WNT7B: variants seen among roughly 807,000 people sequenced by gnomAD.
The protein encoded by WNT7B is Wnt family member 7B, also known as protein Wnt-7b.
In WNT7B, 19 loss-of-function variants were observed where a neutral mutation model predicts 38.2. The ratio of observed to expected loss-of-function variants is 0.50; its 90% CI spans 0.35 to 0.73. The LOEUF (loss-of-function observed/expected upper bound fraction) is 0.73. WNT7B is among the 30% of genes least tolerant of loss of function. WNT7B has a pLI of 0.01. For missense variants in WNT7B, 423 were observed against 507.9 expected, an observed-to-expected ratio of 0.83 and a Z score of 1.61; for synonymous variants, 243 against 209.3, an observed-to-expected ratio of 1.16 and a Z score of -1.39.
chr22:45,969,962 C>G (rs1932396424), intron 1 of WNT7B, among the ~76,000 whole-genome samples: 1 of 152,248 alleles, frequency 6.6e-6, no homozygotes, highest in South Asian at 2.1e-4. Context: ...TTGCTGCTGG[C>G]TGCCTCCCCC....
At chr22:45,929,565 C>CAT in intron 3 of WNT7B, among the ~76,000 whole-genome samples, 3 of 147,688 alleles carry the variant, frequency 2.0e-5, no homozygotes, top group African/African-American at 7.5e-5. Context: ...TCCACCCATC[C>CAT]CCTCATTCAT....
rs745440535 is a variant in WNT7B at position 45,931,082 on chromosome 22, C to A, written c.570+16G>T. ...GGTCCCAGCTACGGCCCCCACCAGC[C>A]GCACCCGCACCCTACCTTCCTGCCG... On this transcript the variant is annotated intron_variant, in intron 3 of 3. Transcript: ENST00000339464. 1 of 1,552,308 alleles carries A rather than the reference C, an allele frequency of 6.4e-7. No individual in the cohort carries two copies. Among genetic ancestry groups the A allele is most frequent in the East Asian group, 2.3e-5 (1 of 44,098 alleles).
At chr22:45,954,604 C>G (rs1932018029) in intron 1 of WNT7B, 2 of 985,344 alleles carry the variant, frequency 2.0e-6, no homozygotes. Context: ...CCAGCAGCCC[C>G]CTGCGTGCCC....
intron 1 of WNT7B, among the ~76,000 whole-genome samples, chr22:45,957,337 T>C (rs1477292805): frequency 1.3e-5 from 2 of 151,808 alleles, no homozygotes; most frequent in African/African-American, 2.4e-5. Context: ...TTTATTGAAA[T>C]GGGGCAATAA....
rs147522519 is a variant in WNT7B at position 45,929,283 on chromosome 22, T to G, written c.570+1815A>C. 5.9e-3 allele frequency among the ~76,000 whole-genome samples: 902 copies of G among 152,314 alleles called. 10 individuals are homozygous for G. Among genetic ancestry groups the G allele is most frequent in the African/African-American group, 0.021 (864 of 41,558 alleles). ...TATGGCATGGACTGTGATCTGCCTG[T>G]ACCTGGAGACTAGTGCTCACATGCT... is the stretch of plus-strand genomic sequence containing the variant. On this transcript the variant is annotated intron_variant, in intron 3 of 3. Coordinates refer to ENST00000339464, the MANE Select transcript of WNT7B (RefSeq NM_058238.3).
intron 1 of WNT7B, among the ~76,000 whole-genome samples, chr22:45,970,364 G>A (rs938467706): frequency 6.6e-6 from 1 of 152,232 alleles, no homozygotes; most frequent in Non-Finnish European, 1.5e-5. Context: ...CCTGGCGGGG[G>A]TAGTCACTGC....
At chr22:45,944,291 G>A (rs982463886) in intron 2 of WNT7B, among the ~76,000 whole-genome samples, 1 of 152,198 alleles carries the variant, frequency 6.6e-6, no homozygotes, top group Non-Finnish European at 1.5e-5. Context: ...GGGACTGGAG[G>A]ACCAGCAGCC....
At position 45,976,815 on chromosome 22, in the gene WNT7B, C is replaced by T. The variant is rs1414407117; in HGVS notation, c.-61G>A. On this transcript the variant is annotated 5_prime_UTR_variant, in exon 1 of 4. Transcript: ENST00000339464. The surrounding 1 kb of genome is among the most constrained non-coding windows in gnomAD (Gnocchi z 8.5). ...GGCCGGAGGGGACGCGCGGGCCCGG[C>T]AGGGCCGGGCAGGGGCCAGGGGGCT... The T allele has an allele frequency of 6.7e-6, 10 of 1,494,960 alleles. No homozygotes were observed. The highest frequency in any genetic ancestry group is 4.0e-5 in the Admixed American group (2 of 50,310). 92.6% of individuals were successfully genotyped at this position (1,494,960 alleles called of 1,614,324 possible).
chr22:45,948,156 G>A (rs1025023616), intron 2 of WNT7B, among the ~76,000 whole-genome samples: 25 of 152,194 alleles, frequency 1.6e-4, no homozygotes, highest in Non-Finnish European at 7.3e-5. Context: ...CCGGGGGCTC[G>A]GCCGGGAGGC....
At chr22:45,938,639 A>C (rs529766304) in intron 2 of WNT7B, among the ~76,000 whole-genome samples, 5 of 149,980 alleles carry the variant, frequency 3.3e-5, no homozygotes, top group African/African-American at 1.2e-4. Context: ...ATCTGTCTTG[A>C]AAAAAAAAAG....
chr22:45,944,128 G>T (rs952339808), intron 2 of WNT7B, among the ~76,000 whole-genome samples: 2 of 152,216 alleles, frequency 1.3e-5, no homozygotes, highest in African/African-American at 4.8e-5. Context: ...GACCCGGGCA[G>T]ATAGGGCCTG....
chr22:45,958,834 C>G (rs1601736716), intron 1 of WNT7B, among the ~76,000 whole-genome samples: 1 of 152,208 alleles, frequency 6.6e-6, no homozygotes, highest in Non-Finnish European at 1.5e-5. Context: ...GAGCCACCCT[C>G]CCATGTAAGT....
chr22:45,964,305 C>T (rs914905655), intron 1 of WNT7B, among the ~76,000 whole-genome samples: 1 of 152,130 alleles, frequency 6.6e-6, no homozygotes, highest in African/African-American at 2.4e-5. Flanking sequence ...AAGGTGTGCC[C>T]AACATGCGAC....
intron 1 of WNT7B, among the ~76,000 whole-genome samples, chr22:45,968,152 T>C (rs1446113928): frequency 6.6e-6 from 1 of 152,208 alleles, no homozygotes; most frequent in Non-Finnish European, 1.5e-5. Flanking sequence ...GTCTCTTTCA[T>C]GTGCCTGTTT....
In WNT7B at chr22:45,920,836, C is replaced by G. The variant is rs911930585; in HGVS notation, c.*2020G>C. 6.6e-6 allele frequency: 1 copy of G among 152,036 alleles called. No individual in the cohort carries two copies. The highest frequency in any genetic ancestry group is 2.4e-5 in the African/African-American group (1 of 41,366). The allele number at this position is 152,036 out of a possible 1,614,324, so 9.4% of individuals were successfully genotyped here. ...TAATTTAAAGACACTATAGACATTT[C>G]GACGCTATATAACAACATAAGTTAA... On this transcript the variant is annotated 3_prime_UTR_variant, in exon 4 of 4. Coordinates refer to ENST00000339464, the MANE Select transcript of WNT7B (RefSeq NM_058238.3).
rs539501450 is a variant in WNT7B at position 45,969,243 on chromosome 22, G to T, written c.71+7441C>A. On this transcript the variant is annotated intron_variant, in intron 1 of 3. Coordinates refer to ENST00000339464, the MANE Select transcript of WNT7B (RefSeq NM_058238.3). ...ACAGCCAGGTGGTCGGTGAGTAACCGCCCCGTCACCCATGACTCACTTGGC... is the reference window on the plus strand; with the variant it reads ...ACAGCCAGGTGGTCGGTGAGTAACCTCCCCGTCACCCATGACTCACTTGGC... Among the ~76,000 whole-genome samples the T allele has an allele frequency of 2.0e-5, 3 of 152,318 alleles. No homozygotes were observed. The South Asian group carries it at 6.2e-4, about 32-fold the overall frequency.
Position 45,976,812 on chromosome 22 carries a change from CGGCAGGGCCG to C in WNT7B, c.-68_-59del, listed in dbSNP as rs912691821. On this transcript the variant is annotated 5_prime_UTR_variant, in exon 1 of 4. Transcript: ENST00000339464. The surrounding 1 kb of genome is among the most constrained non-coding windows in gnomAD (Gnocchi z 8.5). ...GGCGGCCGGAGGGGACGCGCGGGCCCGGCAGGGCCGGGCAGGGGCCAGGGGGCTGCGGGCA... is the reference window on the plus strand; with the variant it reads ...GGCGGCCGGAGGGGACGCGCGGGCCCGGCAGGGGCCAGGGGGCTGCGGGCA... The C allele has an allele frequency of 9.2e-6, 14 of 1,517,410 alleles. No homozygotes were observed. The highest frequency in any genetic ancestry group is 8.4e-5 in the African/African-American group (6 of 71,376). The allele number at this position is 1,517,410 out of a possible 1,614,324, so 94.0% of individuals were successfully genotyped here.
rs998915207 is a variant in WNT7B at position 45,951,959 on chromosome 22, G to A, written c.72-1813C>T. Among the ~76,000 whole-genome samples, 8 of 152,190 alleles carry A rather than the reference G, an allele frequency of 5.3e-5. No homozygotes were observed. The highest frequency in any genetic ancestry group is 7.2e-5 in the African/African-American group (3 of 41,432). Reference sequence around the variant, plus strand: ...GACTTGCCGGACTGCCCTCCACAGCGGCTGCCCCAGTCATCTGGCTTTAAG... The same window carrying A: ...GACTTGCCGGACTGCCCTCCACAGCAGCTGCCCCAGTCATCTGGCTTTAAG... On this transcript the variant is annotated intron_variant, in intron 1 of 3. Transcript: ENST00000339464. The surrounding 1 kb of genome is among the most constrained non-coding windows in gnomAD (Gnocchi z 4.8).
chr22:45,955,835 G>A (rs1932046146), intron 1 of WNT7B, among the ~76,000 whole-genome samples: 1 of 152,194 alleles, frequency 6.6e-6, no homozygotes, highest in Admixed American at 6.5e-5. Context: ...CAGGGACTGT[G>A]GACAAGGCCC....
Sources: allele counts gnomAD v4.1 joint callset (sites outside exome capture counted in the v4.1 genomes callset), GRCh38; gene constraint gnomAD v4.1.1; non-coding constraint Gnocchi (gnomAD v3.1); transcripts MANE v1.5; gene names NCBI Gene and HGNC (gene_info 2026-07-23, HGNC 2026-07-21).